The following SUSD6 variants were observed in gnomAD, a reference collection of about 807,000 sequenced individuals.
SUSD6 encodes the protein sushi domain containing 6, also known as sushi domain-containing protein 6.
In SUSD6, 16 loss-of-function variants were observed where a neutral mutation model predicts 28.4. That is an observed-to-expected ratio of 0.56 (90% CI 0.38 to 0.86). The LOEUF is 0.86. Ranked by LOEUF, SUSD6 falls within the 40% of genes least tolerant of loss-of-function variation. The pLI is 0.00. For synonymous variants in SUSD6, 147 were observed against 159.6 expected (o/e 0.92, Z 0.59); for missense variants, 341 against 384.2 (o/e 0.89, Z 0.94).
At chr14:69,704,534 G>A (rs1886358733) in intron 3 of SUSD6, 70 bp from the exon 4 acceptor site, 1 of 1,507,048 alleles carries the variant, frequency 6.6e-7, no homozygotes, top group African/African-American at 1.4e-5. Flanking sequence ...GACAAGATCA[G>A]CTGTGGGGCC....
At chr14:69,652,942 C>T (rs933332368) in intron 1 of SUSD6, among the ~76,000 whole-genome samples, 1 of 152,178 alleles carries the variant, frequency 6.6e-6, no homozygotes, top group Non-Finnish European at 1.5e-5. Flanking sequence ...TAAACATAAG[C>T]CCCAGGTGTT....
chr14:69,614,098 C>T (rs969598626), intron 1 of SUSD6, among the ~76,000 whole-genome samples: 6 of 152,072 alleles, frequency 3.9e-5, no homozygotes, highest in East Asian at 3.9e-4. Flanking sequence ...GATGGAGTCT[C>T]GCTCTGTCAC....
Position 69,703,448 on chromosome 14 carries a change from C to T in SUSD6, c.175C>T (p.Pro59Ser). Residue 59 changes from proline to serine, a missense_variant, in exon 3 of 6, where the codon CCC becomes TCC. Transcript: ENST00000342745. ...TGGTGGCTACATCTGCCACCCCCGG[C>T]CCTGCAGAGACCCCCTGACAGCAGG... ...ENGGYICHPRPCRDPLTAGSV... is the reference protein window; with the variant it reads ...ENGGYICHPRSCRDPLTAGSV... The T allele has an allele frequency of 6.2e-7, 1 of 1,614,134 alleles. No homozygotes were observed. Among genetic ancestry groups the T allele is most frequent in the East Asian group, 2.2e-5 (1 of 44,886 alleles).
At chr14:69,683,856 T>C (rs1886033664) in intron 2 of SUSD6, among the ~76,000 whole-genome samples, 1 of 152,162 alleles carries the variant, frequency 6.6e-6, no homozygotes, top group South Asian at 2.1e-4. Context: ...ACTCTGTCCA[T>C]GGTTTTTGGA....
chr14:69,697,936 A>C (rs1594721774), intron 2 of SUSD6, among the ~76,000 whole-genome samples: 1 of 152,216 alleles, frequency 6.6e-6, no homozygotes, highest in South Asian at 2.1e-4. Context: ...CTGTTACCGG[A>C]AAGAGGTCCA....
chr14:69,665,592 C>T (rs1055228412), intron 2 of SUSD6, among the ~76,000 whole-genome samples: 2 of 152,188 alleles, frequency 1.3e-5, no homozygotes, highest in African/African-American at 4.8e-5. Flanking sequence ...CCTAGGATTT[C>T]TTCACATAGC....
At chr14:69,639,965 T>TC (rs1256529942) in intron 1 of SUSD6, among the ~76,000 whole-genome samples, 2 of 147,940 alleles carry the variant, frequency 1.4e-5, no homozygotes, top group Non-Finnish European at 3.0e-5. Context: ...TGTTTTTTTT[T>TC]TTTTTTTTTT....
At position 69,713,836 on chromosome 14, in the gene SUSD6, G is replaced by GTTTTT. The variant is rs368819471; in HGVS notation, c.*2872_*2876dup. The GTTTTT allele has an allele frequency of 5.1e-5, 6 of 118,210 alleles. No individual in the cohort carries two copies. Among genetic ancestry groups the GTTTTT allele is most frequent in the African/African-American group, 1.2e-4 (4 of 32,042 alleles). The allele number at this position is 118,210 out of a possible 1,614,324, so 7.3% of individuals were successfully genotyped here. A position where few individuals can be genotyped will look rare whatever the true frequency, so the allele number is the denominator to read the frequency against. On this transcript the variant is annotated 3_prime_UTR_variant, in exon 6 of 6. Coordinates refer to ENST00000342745, the MANE Select transcript of SUSD6 (RefSeq NM_014734.4). ...TTTTGTTTGTTTGTTGTTGGTGTTT[G>GTTTTT]TTTTTTTTTTTTTTTTTTTGGCACA...
At chr14:69,645,377 G>T (rs1256507999) in intron 1 of SUSD6, among the ~76,000 whole-genome samples, 2 of 152,190 alleles carry the variant, frequency 1.3e-5, no homozygotes, top group East Asian at 3.8e-4. Context: ...CTGCCACTAG[G>T]CTATTTTTTT....
At chr14:69,627,987 G>C (rs1455381374) in intron 1 of SUSD6, among the ~76,000 whole-genome samples, 1 of 151,704 alleles carries the variant, frequency 6.6e-6, no homozygotes, top group Non-Finnish European at 1.5e-5. Flanking sequence ...AGTCTGGAGG[G>C]CAGTGGCGCG....
At chr14:69,705,530 G>A (rs1025360033) in intron 4 of SUSD6, among the ~76,000 whole-genome samples, 3 of 152,110 alleles carry the variant, frequency 2.0e-5, no homozygotes, top group African/African-American at 7.2e-5. Context: ...AAGTTTGTGA[G>A]CCACTATCCT....
chr14:69,627,532 C>T (rs892746178), intron 1 of SUSD6, among the ~76,000 whole-genome samples: 18 of 152,306 alleles, frequency 1.2e-4, no homozygotes, highest in Non-Finnish European at 2.4e-4. Context: ...GGCTGGAGTG[C>T]AGTGGCAGGA....
At chr14:69,676,124 T>G (rs1360185349) in intron 2 of SUSD6, among the ~76,000 whole-genome samples, 2 of 152,194 alleles carry the variant, frequency 1.3e-5, no homozygotes, top group African/African-American at 4.8e-5. Flanking sequence ...ATTCAGGTAC[T>G]GAATGCTATT....
In SUSD6 at chr14:69,714,047, A is replaced by G. The variant is rs961534765; in HGVS notation, c.*3068A>G. 2 of 152,092 alleles carry G rather than the reference A, an allele frequency of 1.3e-5. No individual in the cohort carries two copies. Among genetic ancestry groups the G allele is most frequent in the Non-Finnish European group, 2.9e-5 (2 of 68,008 alleles). The allele number at this position is 152,092 out of a possible 1,614,324, so 9.4% of individuals were successfully genotyped here. On this transcript the variant is annotated 3_prime_UTR_variant, in exon 6 of 6. Coordinates refer to ENST00000342745, the MANE Select transcript of SUSD6 (RefSeq NM_014734.4). ...GTGCTGTGTTCCCGTTTCACTGGGT[A>G]TGAACTGTGAAATCGACTGAATCCT...
intron 2 of SUSD6, among the ~76,000 whole-genome samples, chr14:69,689,162 A>C (rs1376101470): frequency 2.0e-5 from 3 of 152,130 alleles, no homozygotes; most frequent in African/African-American, 7.2e-5. Context: ...TACCATTTCT[A>C]CAATCTTCTT....
chr14:69,637,637 C>G (rs977374408), intron 1 of SUSD6, among the ~76,000 whole-genome samples: 5 of 152,100 alleles, frequency 3.3e-5, no homozygotes, highest in Admixed American at 3.3e-4. Flanking sequence ...GTTGCCATCC[C>G]CACCCCCAGG....
chr14:69,704,413 G>T (rs981388140), intron 3 of SUSD6, among the ~76,000 whole-genome samples, 191 bp from the exon 4 acceptor site: 6 of 152,158 alleles, frequency 3.9e-5, no homozygotes, highest in African/African-American at 1.4e-4. Context: ...AACAGGATAG[G>T]GAAATGGTCC....
chr14:69,657,927 C>T (rs951720803), intron 1 of SUSD6, among the ~76,000 whole-genome samples: 1 of 152,148 alleles, frequency 6.6e-6, no homozygotes, highest in East Asian at 1.9e-4. Flanking sequence ...TTTTCAGGGA[C>T]AGCCAACATA....
intron 2 of SUSD6, among the ~76,000 whole-genome samples, chr14:69,667,152 A>T (rs1885753992): frequency 6.6e-6 from 1 of 152,122 alleles, no homozygotes; most frequent in Non-Finnish European, 1.5e-5. Context: ...CTAGACTATG[A>T]CTGAGTGGGT....
Sources: allele counts gnomAD v4.1 joint callset (sites outside exome capture counted in the v4.1 genomes callset), GRCh38; gene constraint gnomAD v4.1.1; transcripts MANE v1.5; gene names NCBI Gene and HGNC (gene_info 2026-07-23, HGNC 2026-07-21).